PPP1R42: variants seen among roughly 807,000 people sequenced by gnomAD.
The protein encoded by PPP1R42 is leucine rich repeat containing 67.
In PPP1R42, 34 loss-of-function variants were observed where a neutral mutation model predicts 31.0. The ratio of observed to expected loss-of-function variants is 1.10; its 90% CI spans 0.83 to 1.46. The LOEUF (loss-of-function observed/expected upper bound fraction) is 1.46. Among genes scored for constraint, PPP1R42 ranks in the 40% most tolerant of loss-of-function variants. The pLI is 0.00. For missense variants in PPP1R42, 268 were observed against 303.0 expected (o/e 0.88, Z 0.86); for synonymous variants, 103 against 109.8 (o/e 0.94, Z 0.39).
At chr8:66,989,596 T>C (rs764935793) in intron 5 of PPP1R42, among the ~76,000 whole-genome samples, 3 of 152,216 alleles carry the variant, frequency 2.0e-5, no homozygotes, top group Non-Finnish European at 4.4e-5. Flanking sequence ...GTAGTGCACA[T>C]AGCTTGGCTA....
At chr8:67,024,877 TAGTC>T (rs1286644305) in intron 1 of PPP1R42, among the ~76,000 whole-genome samples, 3 of 152,098 alleles carry the variant, frequency 2.0e-5, no homozygotes, top group Non-Finnish European at 2.9e-5. Flanking sequence ...AAACCAAACT[TAGTC>T]AGAATAACAT....
At chr8:66,965,706 A>G (rs1814363747) in intron 7 of PPP1R42, among the ~76,000 whole-genome samples, 1 of 152,148 alleles carries the variant, frequency 6.6e-6, no homozygotes, top group Non-Finnish European at 1.5e-5. Flanking sequence ...GGATTGCTTA[A>G]GTATAAGAGT....
chr8:67,008,450 G>A (rs1211829673), intron 5 of PPP1R42, among the ~76,000 whole-genome samples: 2 of 152,220 alleles, frequency 1.3e-5, no homozygotes, highest in Admixed American at 6.5e-5. Context: ...GCTCATGCCT[G>A]TAATCCTAGC....
chr8:67,025,332 A>G (rs1430854946), intron 1 of PPP1R42, among the ~76,000 whole-genome samples: 7 of 151,692 alleles, frequency 4.6e-5, no homozygotes, highest in African/African-American at 1.7e-4. Context: ...GGCTGGTCTC[A>G]AACTCCTGGG....
At chr8:66,991,963 G>C (rs992854425) in intron 5 of PPP1R42, among the ~76,000 whole-genome samples, 2 of 152,174 alleles carry the variant, frequency 1.3e-5, no homozygotes, top group Non-Finnish European at 2.9e-5. Flanking sequence ...AGTTGGCCTA[G>C]TCTACTGCAT....
intron 7 of PPP1R42, chr8:66,970,772 G>A (rs1448673507): frequency 3.0e-5 from 17 of 557,944 alleles, no homozygotes; most frequent in Non-Finnish European, 4.7e-5. Flanking sequence ...GAAGTCTTCT[G>A]GAAACACCCC....
At chr8:66,973,202 G>A (rs1326234809) in intron 7 of PPP1R42, among the ~76,000 whole-genome samples, 1 of 151,744 alleles carries the variant, frequency 6.6e-6, no homozygotes, top group African/African-American at 2.4e-5. Flanking sequence ...GGTCTGAAAT[G>A]AAGCTTACAT....
intron 6 of PPP1R42, chr8:66,985,053 G>A (rs1014920060): frequency 2.1e-6 from 3 of 1,396,954 alleles, no homozygotes; most frequent in Non-Finnish European, 3.1e-6. Context: ...TTATGTAAGA[G>A]TCCCACCACT....
chr8:66,985,878 C>G (rs549125669), intron 6 of PPP1R42: 123 of 1,082,968 alleles, frequency 1.1e-4, no homozygotes, highest in Non-Finnish European at 1.5e-4. Context: ...TCCACCTTCT[C>G]AAAATGGGGT....
chr8:67,015,624 G>A (rs1318790973), intron 2 of PPP1R42, among the ~76,000 whole-genome samples: 1 of 149,006 alleles, frequency 6.7e-6, no homozygotes. Context: ...TTTGAAACAG[G>A]GTCTGCCCAG....
chr8:67,004,427 T>A (rs1392667792), intron 5 of PPP1R42, among the ~76,000 whole-genome samples: 2 of 152,238 alleles, frequency 1.3e-5, no homozygotes, highest in African/African-American at 4.8e-5. Flanking sequence ...CTCTTATTAG[T>A]CATATATTGG....
intron 7 of PPP1R42, among the ~76,000 whole-genome samples, chr8:66,972,398 ATT>A (rs952238416): frequency 1.3e-5 from 2 of 150,834 alleles, no homozygotes; most frequent in African/African-American, 4.9e-5. Flanking sequence ...TTTAGAGACC[ATT>A]TTTTTTTGAG....
chr8:66,991,037 G>A (rs1478695335), intron 5 of PPP1R42, among the ~76,000 whole-genome samples: 4 of 152,116 alleles, frequency 2.6e-5, no homozygotes, highest in Admixed American at 2.6e-4. Context: ...CATTCATACT[G>A]AAGATTCTAT....
At chr8:66,976,697 T>C (rs999278394) in intron 7 of PPP1R42, among the ~76,000 whole-genome samples, 10 of 152,040 alleles carry the variant, frequency 6.6e-5, no homozygotes, top group African/African-American at 2.2e-4. Context: ...CTTAACATAA[T>C]GTCCCCCATT....
At chr8:67,000,156 T>G (rs980384895) in intron 5 of PPP1R42, among the ~76,000 whole-genome samples, 1 of 152,136 alleles carries the variant, frequency 6.6e-6, no homozygotes, top group African/African-American at 2.4e-5. Context: ...CAAATTAATT[T>G]TGAATTTAAT....
At chr8:66,986,109 C>T in intron 6 of PPP1R42, 2 of 704,448 alleles carry the variant, frequency 2.8e-6, no homozygotes, top group African/African-American at 1.7e-5. Flanking sequence ...CATGCTCTTC[C>T]CTACAGCAGT....
rs754490240 is a variant in PPP1R42 at position 67,013,067 on chromosome 8, A to T, written c.326T>A (p.Ile109Lys). The T allele has an allele frequency of 1.2e-6, 2 of 1,604,602 alleles. No homozygotes were observed. The highest frequency in any genetic ancestry group is 1.7e-6 in the Non-Finnish European group (2 of 1,176,554). The change falls in exon 4 of 8, where the codon ATA (isoleucine) becomes AAA (lysine). Residue 109 changes from isoleucine (I) to lysine (K), a missense_variant. Physicochemically the swap from Ile to Lys is moderately radical, Grantham distance 102 (BLOSUM62 -3). Coordinates refer to ENST00000685739, the MANE Select transcript of PPP1R42 (RefSeq NM_001364910.1). Reference sequence around the variant, plus strand: ...TTCTCCTAATCCTTCTAAACCTTCTATGACAGCAATGTAATTGCCTCCCAG... The same window carrying T: ...TTCTCCTAATCCTTCTAAACCTTCTTTGACAGCAATGTAATTGCCTCCCAG... ...LYLGGNYIAV[I>K]EGLEGLGELR...
chr8:67,011,003 G>A (rs1040154513), intron 4 of PPP1R42, among the ~76,000 whole-genome samples, 172 bp from the exon 5 acceptor site: 5 of 151,482 alleles, frequency 3.3e-5, no homozygotes, highest in African/African-American at 1.2e-4. Flanking sequence ...TTTTTCAGAT[G>A]AAAGTTTTAG....
chr8:66,997,716 A>T (rs11988464), intron 5 of PPP1R42, among the ~76,000 whole-genome samples: 22,003 of 144,768 alleles, frequency 0.15, 2,656 homozygotes, highest in African/African-American at 0.34. Flanking sequence ...AATTTTTTTT[A>T]AAAAAAAAAA....
Sources: gnomAD v4.1 joint callset for allele counts (sites outside exome capture counted in the v4.1 genomes callset) on GRCh38, gnomAD v4.1.1 for gene constraint, MANE v1.5 for transcripts, NCBI Gene and HGNC (gene_info 2026-07-23, HGNC 2026-07-21) for gene names.